Variants in SCFD2 observed in about 807,000 individuals in gnomAD.
SCFD2 encodes sec1 family domain containing 2, also known as sec1 family domain-containing protein 2.
A neutral mutation model predicts 58.9 loss-of-function variants in SCFD2; 54 were observed. That is an observed-to-expected ratio of 0.92 (90% CI 0.74 to 1.15). The LOEUF is 1.15. Among genes scored for constraint, SCFD2 ranks in the 50% most tolerant of loss-of-function variants. The probability of loss-of-function intolerance (pLI) is 0.00; values close to 1 mark genes in which losing one functional copy is unlikely to be tolerated. For synonymous variants in SCFD2, 321 were observed against 335.9 expected (o/e 0.96, Z 0.49); for missense variants, 805 against 836.6 (o/e 0.96, Z 0.47).
intron 6 of SCFD2, among the ~76,000 whole-genome samples, chr4:52,916,683 T>C (rs970847828): frequency 1.3e-5 from 2 of 152,130 alleles, no homozygotes; most frequent in African/African-American, 4.8e-5. Context: ...TTAAAACAAA[T>C]GGGTGTCAGC....
At chr4:52,875,802 CTATATA>C (rs3052566) in intron 8 of SCFD2, among the ~76,000 whole-genome samples, 358 of 60,770 alleles carry the variant, frequency 5.9e-3, no homozygotes, top group South Asian at 7.1e-3. Context: ...TTATCTTTAA[CTATATA>C]TATATATATA....
At chr4:53,297,069 A>G (rs1732062233) in intron 3 of SCFD2, among the ~76,000 whole-genome samples, 1 of 152,004 alleles carries the variant, frequency 6.6e-6, no homozygotes, top group African/African-American at 2.4e-5. Flanking sequence ...TATGTGGTCA[A>G]TTTTAGAATC....
intron 1 of SCFD2, among the ~76,000 whole-genome samples, chr4:53,358,895 G>A (rs1281072171): frequency 6.6e-6 from 1 of 152,278 alleles, no homozygotes; most frequent in African/African-American, 2.4e-5. Flanking sequence ...AAGTAAGCCA[G>A]AATGAAAGAG....
intron 5 of SCFD2, among the ~76,000 whole-genome samples, chr4:53,028,049 C>A (rs1291191156): frequency 6.6e-6 from 1 of 151,912 alleles, no homozygotes; most frequent in African/African-American, 2.4e-5. Context: ...GAGTTTGAGA[C>A]CAGCCTGGAC....
At chr4:53,326,958 T>C (rs1414591548) in intron 2 of SCFD2, among the ~76,000 whole-genome samples, 2 of 148,850 alleles carry the variant, frequency 1.3e-5, no homozygotes, top group Non-Finnish European at 3.0e-5. Context: ...CACTTAAGTT[T>C]AACAACAACC....
chr4:53,218,945 G>A (rs1728955059), intron 4 of SCFD2, among the ~76,000 whole-genome samples: 1 of 152,202 alleles, frequency 6.6e-6, no homozygotes, highest in Non-Finnish European at 1.5e-5. Flanking sequence ...GGAGGCTGCA[G>A]AACAGCGAAT....
At chr4:53,012,001 CTTTT>C (rs11297946) in intron 5 of SCFD2, among the ~76,000 whole-genome samples, 208 of 137,066 alleles carry the variant, frequency 1.5e-3, no homozygotes, top group African/African-American at 2.2e-3. Flanking sequence ...AGGTTTTAGG[CTTTT>C]TTTTTTTTTT....
intron 3 of SCFD2, among the ~76,000 whole-genome samples, chr4:53,300,246 G>A (rs1481621674): frequency 6.6e-6 from 1 of 152,092 alleles, no homozygotes; most frequent in African/African-American, 2.4e-5. Context: ...ATAAAGGGAT[G>A]GAGGAAGATC....
chr4:53,097,726 G>T (rs1243615253), intron 5 of SCFD2, among the ~76,000 whole-genome samples: 1 of 152,104 alleles, frequency 6.6e-6, no homozygotes, highest in Non-Finnish European at 1.5e-5. Flanking sequence ...CTGCCTGATT[G>T]CCCTGGCCAG....
intron 5 of SCFD2, among the ~76,000 whole-genome samples, chr4:53,060,747 A>T (rs1198099828): frequency 6.6e-6 from 1 of 151,958 alleles, no homozygotes; most frequent in Non-Finnish European, 1.5e-5. Context: ...AATTAAAAAA[A>T]TATAAAGATA....
chr4:53,086,722 C>A (rs890116396), intron 5 of SCFD2, among the ~76,000 whole-genome samples: 4 of 152,192 alleles, frequency 2.6e-5, no homozygotes, highest in African/African-American at 7.2e-5. Context: ...GAGATTCTGT[C>A]ATTTGCAACA....
chr4:52,995,994 CAG>C (rs1721733346), intron 5 of SCFD2, among the ~76,000 whole-genome samples: 2 of 152,218 alleles, frequency 1.3e-5, no homozygotes, highest in African/African-American at 4.8e-5. Flanking sequence ...CAGATCTATC[CAG>C]AGTGTCACTC....
intron 4 of SCFD2, among the ~76,000 whole-genome samples, chr4:53,273,071 C>G (rs565845477): frequency 1.3e-5 from 2 of 151,872 alleles, no homozygotes; most frequent in African/African-American, 4.8e-5. Flanking sequence ...TATATAGTAT[C>G]AAAAATGCTT....
intron 3 of SCFD2, among the ~76,000 whole-genome samples, chr4:53,309,498 A>G (rs1173922516): frequency 6.6e-6 from 1 of 152,172 alleles, no homozygotes. Flanking sequence ...AGGATTAGGA[A>G]TCCCAAATAC....
intron 5 of SCFD2, among the ~76,000 whole-genome samples, chr4:53,114,824 T>C (rs528245182): frequency 6.6e-6 from 1 of 152,232 alleles, no homozygotes; most frequent in Non-Finnish European, 1.5e-5. Context: ...TTAATGTATA[T>C]AAATGTAGTA....
At chr4:53,177,062 G>A (rs1222504580) in intron 4 of SCFD2, among the ~76,000 whole-genome samples, 1 of 150,844 alleles carries the variant, frequency 6.6e-6, no homozygotes, top group Non-Finnish European at 1.5e-5. Flanking sequence ...TTCCCTTTTT[G>A]TTAGCTTTTC....
chr4:53,346,954 A>T (rs1271632984), intron 2 of SCFD2, among the ~76,000 whole-genome samples: 1 of 152,180 alleles, frequency 6.6e-6, no homozygotes, highest in African/African-American at 2.4e-5. Context: ...ATGATTGAAA[A>T]TTCAAAATAC....
chr4:53,357,978 C>T (rs1255561587), intron 1 of SCFD2, among the ~76,000 whole-genome samples: 2 of 152,172 alleles, frequency 1.3e-5, no homozygotes, highest in African/African-American at 2.4e-5. Context: ...CTCCTCTGTG[C>T]TTCAGTTTCA....
intron 3 of SCFD2, among the ~76,000 whole-genome samples, chr4:53,297,059 T>C (rs1329923068): frequency 6.6e-6 from 1 of 152,178 alleles, no homozygotes; most frequent in Non-Finnish European, 1.5e-5. Flanking sequence ...TACTTCCAAT[T>C]ATGTGGTCAA....
Sources: allele counts gnomAD v4.1 joint callset (sites outside exome capture counted in the v4.1 genomes callset), GRCh38; gene constraint gnomAD v4.1.1; transcripts MANE v1.5; gene names NCBI Gene and HGNC (gene_info 2026-07-23, HGNC 2026-07-21).